SCFD2: variants seen among roughly 807,000 people sequenced by gnomAD.
The protein encoded by SCFD2 is sec1 family domain containing 2, also known as sec1 family domain-containing protein 2.
Under a neutral mutation model 58.9 loss-of-function variants are expected in SCFD2, and 54 were observed. That is an observed-to-expected ratio of 0.92 (90% CI 0.74 to 1.15). The LOEUF (loss-of-function observed/expected upper bound fraction) is 1.15, where lower values mean the gene tolerates loss of function less well. SCFD2 is among the 50% of genes most tolerant of loss of function. The pLI is 0.00. For missense variants in SCFD2, 805 were observed against 836.6 expected (o/e 0.96, Z 0.47); for synonymous variants, 321 against 335.9 (o/e 0.96, Z 0.49).
chr4:53,260,002 G>T (rs1012008995), intron 4 of SCFD2, among the ~76,000 whole-genome samples: 4 of 147,038 alleles, frequency 2.7e-5, no homozygotes, highest in African/African-American at 9.9e-5. Flanking sequence ...TTGAGTTCTT[G>T]ATTTGCTTCT....
intron 5 of SCFD2, among the ~76,000 whole-genome samples, chr4:53,070,791 T>C (rs1723792227): frequency 6.6e-6 from 1 of 152,058 alleles, no homozygotes; most frequent in Admixed American, 6.6e-5. Context: ...TTTCTTAGGT[T>C]TATACATTAA....
intron 5 of SCFD2, among the ~76,000 whole-genome samples, chr4:53,072,313 C>T (rs1388767436): frequency 6.6e-6 from 1 of 152,076 alleles, no homozygotes; most frequent in East Asian, 1.9e-4. Flanking sequence ...AGCAGAATTT[C>T]CCTTTTAACA....
intron 5 of SCFD2, among the ~76,000 whole-genome samples, chr4:53,035,847 G>T (rs1468453348): frequency 6.6e-6 from 1 of 152,124 alleles, no homozygotes; most frequent in Non-Finnish European, 1.5e-5. Flanking sequence ...GGAGGGTGTG[G>T]AGAAATAGGA....
At chr4:53,077,597 C>T (rs1724015570) in intron 5 of SCFD2, among the ~76,000 whole-genome samples, 1 of 152,018 alleles carries the variant, frequency 6.6e-6, no homozygotes, top group African/African-American at 2.4e-5. Flanking sequence ...GCCACCGCAC[C>T]CAGCTAATTT....
intron 5 of SCFD2, among the ~76,000 whole-genome samples, chr4:53,004,250 C>T (rs1721923300): frequency 6.6e-6 from 1 of 152,156 alleles, no homozygotes; most frequent in Non-Finnish European, 1.5e-5. Context: ...GTGGGTATCT[C>T]AGCTACAGGA....
At chr4:53,074,102 G>C (rs1233937907) in intron 5 of SCFD2, among the ~76,000 whole-genome samples, 2 of 152,166 alleles carry the variant, frequency 1.3e-5, no homozygotes, top group Non-Finnish European at 2.9e-5. Context: ...CTTAAACACT[G>C]CTGCTACTTT....
chr4:53,112,994 T>G (rs1222585591), intron 5 of SCFD2, among the ~76,000 whole-genome samples: 3 of 152,090 alleles, frequency 2.0e-5, no homozygotes, highest in Admixed American at 6.6e-5. Context: ...CTTACTGGCT[T>G]CTCATAGCTC....
intron 3 of SCFD2, among the ~76,000 whole-genome samples, chr4:53,309,111 C>T (rs909521352): frequency 3.3e-5 from 5 of 150,940 alleles, no homozygotes; most frequent in Middle Eastern, 3.4e-3. Flanking sequence ...CCAGCCTGGG[C>T]GACAGAGCAA....
At chr4:53,135,661 G>T (rs1725914594) in intron 5 of SCFD2, among the ~76,000 whole-genome samples, 1 of 151,940 alleles carries the variant, frequency 6.6e-6, no homozygotes, top group Non-Finnish European at 1.5e-5. Context: ...AGAATCGCTG[G>T]AATCCAGGAG....
chr4:52,880,670 A>T (rs1718589164), intron 8 of SCFD2, among the ~76,000 whole-genome samples: 1 of 152,218 alleles, frequency 6.6e-6, no homozygotes, highest in South Asian at 2.1e-4. Context: ...GAACTCTGTA[A>T]ATGTAGAACT....
chr4:52,894,237 A>T (rs1273583617), intron 7 of SCFD2, among the ~76,000 whole-genome samples: 1 of 152,248 alleles, frequency 6.6e-6, no homozygotes, highest in African/African-American at 2.4e-5. Context: ...GAACAAAAAA[A>T]GAACTTCTTA....
At chr4:53,237,163 C>T (rs1251835546) in intron 4 of SCFD2, among the ~76,000 whole-genome samples, 1 of 149,724 alleles carries the variant, frequency 6.7e-6, no homozygotes, top group Admixed American at 6.7e-5. Context: ...GGGGTAAGGT[C>T]ATAGATCAAC....
chr4:53,361,597 C>A (rs1395078644), intron 1 of SCFD2, among the ~76,000 whole-genome samples: 2 of 152,114 alleles, frequency 1.3e-5, no homozygotes, highest in African/African-American at 4.8e-5. Flanking sequence ...GGGTCTTACT[C>A]TGTTGCCCAG....
intron 4 of SCFD2, among the ~76,000 whole-genome samples, chr4:53,186,500 G>C (rs1267078272): frequency 2.6e-5 from 4 of 151,766 alleles, no homozygotes; most frequent in Non-Finnish European, 5.9e-5. Flanking sequence ...GCATTAATAT[G>C]GGAAAAAAGG....
At chr4:53,238,619 G>A (rs953993061) in intron 4 of SCFD2, among the ~76,000 whole-genome samples, 3 of 151,856 alleles carry the variant, frequency 2.0e-5, no homozygotes, top group Non-Finnish European at 4.4e-5. Flanking sequence ...CGGCTGCCAG[G>A]CGGAGGAGCT....
intron 5 of SCFD2, among the ~76,000 whole-genome samples, chr4:53,060,448 A>G (rs1171552775): frequency 6.6e-6 from 1 of 152,194 alleles, no homozygotes; most frequent in African/African-American, 2.4e-5. Context: ...TATTATACAC[A>G]TGAAACTTAG....
intron 5 of SCFD2, among the ~76,000 whole-genome samples, chr4:53,086,208 A>C (rs1165695633): frequency 6.6e-6 from 1 of 152,222 alleles, no homozygotes; most frequent in Non-Finnish European, 1.5e-5. Flanking sequence ...ATCTGATTTA[A>C]AAAGTGGGCA....
chr4:53,327,483 C>A (rs1333095462), intron 2 of SCFD2, among the ~76,000 whole-genome samples: 1 of 152,064 alleles, frequency 6.6e-6, no homozygotes, highest in East Asian at 1.9e-4. Flanking sequence ...GGTGAGCAGA[C>A]TGAGAAGGGT....
chr4:52,930,694 AG>A (rs748641344), intron 5 of SCFD2, among the ~76,000 whole-genome samples: 2 of 152,216 alleles, frequency 1.3e-5, no homozygotes, highest in Non-Finnish European at 2.9e-5. Context: ...GTGTTAAATA[AG>A]GGAAGTGTGG....
Sources: allele counts gnomAD v4.1 joint callset (sites outside exome capture counted in the v4.1 genomes callset), GRCh38; gene constraint gnomAD v4.1.1; transcripts MANE v1.5; gene names NCBI Gene and HGNC (gene_info 2026-07-23, HGNC 2026-07-21).